The following PTPRK variants were observed in gnomAD, a reference collection of about 807,000 sequenced individuals.
The protein encoded by PTPRK is receptor-type tyrosine-protein phosphatase kappa.
A neutral mutation model predicts 178.0 loss-of-function variants in PTPRK; 75 were observed. The ratio of observed to expected loss-of-function variants is 0.42; its 90% CI spans 0.35 to 0.51. PTPRK has a LOEUF of 0.51. Among genes scored for constraint, PTPRK ranks in the 20% least tolerant of loss-of-function variants. PTPRK has a pLI of 0.02. For synonymous variants in PTPRK, 637 were observed against 620.6 expected, an observed-to-expected ratio of 1.03 and a Z score of -0.39; for missense variants, 1,441 against 1,797.8, an observed-to-expected ratio of 0.80 and a Z score of 3.59.
intron 5 of PTPRK, among the ~76,000 whole-genome samples, chr6:128,238,725 T>C (rs1813821882): frequency 6.6e-6 from 1 of 152,214 alleles, no homozygotes; most frequent in Non-Finnish European, 1.5e-5. Context: ...TACAACATGC[T>C]TTCCAGGAAA....
intron 2 of PTPRK, among the ~76,000 whole-genome samples, chr6:128,334,913 C>T (rs893453186): frequency 6.6e-6 from 1 of 152,090 alleles, no homozygotes; most frequent in African/African-American, 2.4e-5. Flanking sequence ...CATGGTGAAA[C>T]CCTGTCTCTA....
intron 1 of PTPRK, among the ~76,000 whole-genome samples, chr6:128,450,385 A>G (rs1022417745): frequency 1.1e-4 from 16 of 152,342 alleles, no homozygotes; most frequent in Admixed American, 2.6e-4. Flanking sequence ...TAATGAACCA[A>G]TTAAACAAAA....
rs906421906 is a variant in PTPRK at position 128,520,452 on chromosome 6, G to A, written c.-94C>T. ...ACGGAGGAGCGGGCCGGGCCTCGCG[G>A]GGTGAGGACGGTGAGAGGACAGCCG... On this transcript the variant is annotated 5_prime_UTR_variant, in exon 1 of 30. Transcript: ENST00000368226. 14 of 1,236,898 alleles carry A rather than the reference G, an allele frequency of 1.1e-5. No individual in the cohort carries two copies. Among genetic ancestry groups the A allele is most frequent in the Non-Finnish European group, 1.6e-5 (14 of 867,192 alleles). The allele number at this position is 1,236,898 out of a possible 1,614,324, so 76.6% of individuals were successfully genotyped here. A position where few individuals can be genotyped will look rare whatever the true frequency, so the allele number is the denominator to read the frequency against.
intron 3 of PTPRK, among the ~76,000 whole-genome samples, chr6:128,243,818 T>C (rs1236548783): frequency 6.6e-6 from 1 of 152,212 alleles, no homozygotes; most frequent in Non-Finnish European, 1.5e-5. Context: ...TTTGGAGTAT[T>C]TGCAAAGCAT....
Position 128,386,082 on chromosome 6 carries a change from T to G in PTPRK, c.223+11484A>C, listed in dbSNP as rs568941498. ...TAATAATAAAGCTTTTTATTTATCT[T>G]GATTTAATTTTAATCCTTGACTTAA... On this transcript the variant is annotated intron_variant, in intron 2 of 29. Transcript: ENST00000368226. Among the ~76,000 whole-genome samples, 7 of 152,338 alleles carry G rather than the reference T, an allele frequency of 4.6e-5. No individual in the cohort carries two copies. The South Asian group carries it at 8.3e-4, about 18-fold the overall frequency.
chr6:128,498,489 T>C (rs1855061719), intron 1 of PTPRK, among the ~76,000 whole-genome samples: 1 of 152,200 alleles, frequency 6.6e-6, no homozygotes, highest in Non-Finnish European at 1.5e-5. Context: ...CCTCTTCTGC[T>C]TTTAGCAAGA....
At chr6:128,451,061 G>A (rs1217726557) in intron 1 of PTPRK, among the ~76,000 whole-genome samples, 1 of 152,136 alleles carries the variant, frequency 6.6e-6, no homozygotes, top group Non-Finnish European at 1.5e-5. Context: ...AATGTCTGTT[G>A]CCAATGACAA....
intron 1 of PTPRK, among the ~76,000 whole-genome samples, chr6:128,465,448 T>C (rs1375995628): frequency 6.6e-6 from 1 of 152,146 alleles, no homozygotes; most frequent in East Asian, 1.9e-4. Context: ...GGGAATTCCT[T>C]AGGGTTCTAA....
At chr6:127,984,675 T>C (rs898137720) in intron 22 of PTPRK, among the ~76,000 whole-genome samples, 3 of 152,188 alleles carry the variant, frequency 2.0e-5, no homozygotes, top group Non-Finnish European at 4.4e-5. Flanking sequence ...TTCCTTGTTA[T>C]TCAGATTTGG....
intron 2 of PTPRK, among the ~76,000 whole-genome samples, chr6:128,337,832 G>C (rs1831150363): frequency 6.6e-6 from 1 of 152,170 alleles, no homozygotes; most frequent in South Asian, 2.1e-4. Flanking sequence ...CTGAAAAAGT[G>C]ATGTCTGAGC....
chr6:128,227,970 G>A (rs1019164017), intron 5 of PTPRK, among the ~76,000 whole-genome samples: 1 of 151,998 alleles, frequency 6.6e-6, no homozygotes, highest in Non-Finnish European at 1.5e-5. Context: ...GCCTGTCAGG[G>A]GATAGGGGGC....
At chr6:128,177,788 G>A (rs1308336503) in intron 7 of PTPRK, among the ~76,000 whole-genome samples, 1 of 151,766 alleles carries the variant, frequency 6.6e-6, no homozygotes, top group Non-Finnish European at 1.5e-5. Flanking sequence ...ACCATTAGCA[G>A]AATGTATAGG....
intron 18 of PTPRK, among the ~76,000 whole-genome samples, chr6:127,993,247 C>T (rs1309819085): frequency 1.3e-5 from 2 of 151,734 alleles, no homozygotes; most frequent in African/African-American, 2.4e-5. Context: ...TATGCAAAAA[C>T]TATTTTGTGC....
chr6:127,999,201 T>C (rs1010496423), intron 15 of PTPRK, among the ~76,000 whole-genome samples: 2 of 152,006 alleles, frequency 1.3e-5, no homozygotes, highest in Non-Finnish European at 2.9e-5. Context: ...GTTGTTTTTC[T>C]TGCATCTGTA....
chr6:128,232,170 C>G (rs773247700), intron 5 of PTPRK: 1 of 152,270 alleles, frequency 6.6e-6, no homozygotes, highest in African/African-American at 2.4e-5. Flanking sequence ...CACATACACA[C>G]GACGTGCTTT....
chr6:128,239,195 C>T (rs979487685), intron 5 of PTPRK, among the ~76,000 whole-genome samples: 1 of 140,798 alleles, frequency 7.1e-6, no homozygotes, highest in African/African-American at 2.7e-5. Flanking sequence ...TATTAAATCT[C>T]TTTCCTCATT....
In PTPRK at chr6:128,485,710, C is replaced by T. The variant is rs183005150; in HGVS notation, c.100+34549G>A. Among the ~76,000 whole-genome samples the T allele has an allele frequency of 3.9e-5, 6 of 152,190 alleles. No individual in the cohort carries two copies. In the East Asian group the frequency reaches 1.2e-3, roughly 29 times the overall value. On this transcript the variant is annotated intron_variant, in intron 1 of 29. Transcript: ENST00000368226. ...GGGGACCAAGACTGAAAGTAATCAC[C>T]ACCAAAGAAAGGATTTCGAAGGAGA...
chr6:128,260,830 T>A (rs1401519089), intron 3 of PTPRK, among the ~76,000 whole-genome samples: 1 of 152,304 alleles, frequency 6.6e-6, no homozygotes, highest in African/African-American at 2.4e-5. Flanking sequence ...ATATAGGAAG[T>A]TGTAGTAAGT....
Position 127,995,488 on chromosome 6 carries a change from C to T in PTPRK, c.2818G>A (p.Asp940Asn). Reference protein sequence around the residue: ...LQPVEDDPSSDYINANYIDGY... With the variant: ...LQPVEDDPSSNYINANYIDGY... Reference sequence around the variant, plus strand: ...TCAATATAGTTGGCATTAATATAATCTGAGGAAGGATCATCCTCTACGGGT... The same window carrying T: ...TCAATATAGTTGGCATTAATATAATTTGAGGAAGGATCATCCTCTACGGGT... Residue 940 changes from aspartate to asparagine, a missense_variant, in exon 18 of 30, where the codon GAT becomes AAT. By Grantham distance (23) the Asp-to-Asn change is conservative. Transcript: ENST00000368226. 1 of 1,599,406 alleles carries T rather than the reference C, an allele frequency of 6.3e-7. No individual in the cohort carries two copies. The highest frequency in any genetic ancestry group is 8.5e-7 in the Non-Finnish European group (1 of 1,170,188).
Sources: allele counts gnomAD v4.1 joint callset (sites outside exome capture counted in the v4.1 genomes callset), GRCh38; gene constraint gnomAD v4.1.1; transcripts MANE v1.5; gene names NCBI Gene and HGNC (gene_info 2026-07-23, HGNC 2026-07-21).